The following ITPRIP variants were observed in gnomAD, a reference collection of about 807,000 sequenced individuals.
ITPRIP encodes inositol 1,4,5-trisphosphate receptor-interacting protein.
ITPRIP carries 32 observed loss-of-function variants against 35.8 expected under a neutral mutation model. The ratio of observed to expected loss-of-function variants is 0.89; its 90% CI spans 0.68 to 1.20. ITPRIP has a LOEUF of 1.20. Among genes scored for constraint, ITPRIP ranks in the 50% most tolerant of loss-of-function variants. ITPRIP has a pLI of 0.00. For synonymous variants in ITPRIP, 358 were observed against 324.0 expected (o/e 1.11, Z -1.13); for missense variants, 653 against 735.6 (o/e 0.89, Z 1.30).
intron 1 of ITPRIP, chr10:104,323,453 C>T (rs2135193872): frequency 6.6e-6 from 1 of 152,568 alleles, no homozygotes; most frequent in Non-Finnish European, 1.5e-5. Flanking sequence ...GCCCCTCCCT[C>T]TGGTCTCCTT....
chr10:104,316,229 G>A (rs552744720), intron 1 of ITPRIP, among the ~76,000 whole-genome samples, 165 bp from the exon 2 acceptor site: 4 of 152,244 alleles, frequency 2.6e-5, no homozygotes, highest in Admixed American at 2.6e-4. Context: ...GTCCAGCCAT[G>A]GAAGAGCCCC....
chr10:104,318,155 A>G (rs2135184791), intron 1 of ITPRIP, among the ~76,000 whole-genome samples: 1 of 152,304 alleles, frequency 6.6e-6, no homozygotes, highest in East Asian at 1.9e-4. Flanking sequence ...TTCCTTCCCC[A>G]AGCCAAGGAG....
At position 104,328,115 on chromosome 10, in the gene ITPRIP, A is replaced by G. The variant is rs2014068642; in HGVS notation, c.-14+10131T>C. The G allele has an allele frequency of 1.8e-6, 1 of 561,006 alleles. No homozygotes were observed. The highest frequency in any genetic ancestry group is 2.3e-6 in the Non-Finnish European group (1 of 442,022). 34.8% of individuals were successfully genotyped at this position (561,006 alleles called of 1,614,324 possible). On this transcript the variant is annotated intron_variant, in intron 1 of 1. Coordinates refer to ENST00000337478, the MANE Select transcript of ITPRIP (RefSeq NM_001272013.2). The surrounding 1 kb of genome is among the most constrained non-coding windows in gnomAD (Gnocchi z 4.1). Reference sequence around the variant, plus strand: ...ACAAGACAGTTCCCCACAAATGCCCACCACTTGCAGGAAGGATGCCTCTCC... The same window carrying G: ...ACAAGACAGTTCCCCACAAATGCCCGCCACTTGCAGGAAGGATGCCTCTCC...
At chr10:104,331,727 T>C (rs1050164309) in intron 1 of ITPRIP, among the ~76,000 whole-genome samples, 5 of 152,238 alleles carry the variant, frequency 3.3e-5, no homozygotes, top group Non-Finnish European at 4.4e-5. Context: ...TGGTTGTTAC[T>C]GTGCCTATTA....
intron 1 of ITPRIP, among the ~76,000 whole-genome samples, chr10:104,324,774 C>T (rs953157282): frequency 4.6e-5 from 7 of 152,210 alleles, no homozygotes; most frequent in East Asian, 3.8e-4. Context: ...GCACATGCTT[C>T]GTCTGAAGGG....
intron 1 of ITPRIP, among the ~76,000 whole-genome samples, chr10:104,336,709 C>G (rs145877108): frequency 6.6e-6 from 1 of 152,262 alleles, no homozygotes; most frequent in Non-Finnish European, 1.5e-5. Flanking sequence ...AGCCCAGACT[C>G]TTTCCTAACT....
chr10:104,317,966 G>A lies in ITPRIP; in HGVS notation c.-13-1902C>T, dbSNP rs2013733510. ...CAGGTCTGCAGGAACCACAAGGGTT[G>A]GGGAGTGGAGAAGGTCCGTCCTCCA... is the stretch of plus-strand genomic sequence containing the variant. On this transcript the variant is annotated intron_variant, in intron 1 of 1. Coordinates refer to ENST00000337478, the MANE Select transcript of ITPRIP (RefSeq NM_001272013.2). 1.3e-5 allele frequency among the ~76,000 whole-genome samples: 2 copies of A among 152,180 alleles called. 1 individual carries two copies. Among genetic ancestry groups the A allele is most frequent in the Admixed American group, 1.3e-4 (2 of 15,278 alleles).
At chr10:104,335,085 C>T (rs900968118) in intron 1 of ITPRIP, among the ~76,000 whole-genome samples, 1 of 152,226 alleles carries the variant, frequency 6.6e-6, no homozygotes, top group Non-Finnish European at 1.5e-5. Context: ...AAACACCACC[C>T]TCTGAGCAAT....
intron 1 of ITPRIP, among the ~76,000 whole-genome samples, chr10:104,319,430 TCTC>T (rs1456980893): frequency 1.3e-5 from 2 of 152,130 alleles, no homozygotes; most frequent in Non-Finnish European, 2.9e-5. Flanking sequence ...CACTGCTATT[TCTC>T]CTCCTTGGCA....
chr10:104,337,047 T>A lies in ITPRIP; in HGVS notation c.-14+1199A>T, dbSNP rs544788038. 2.6e-5 allele frequency among the ~76,000 whole-genome samples: 4 copies of A among 152,176 alleles called. No homozygotes were observed. The East Asian group carries it at 7.7e-4, about 29-fold the overall frequency. On this transcript the variant is annotated intron_variant, in intron 1 of 1. Coordinates refer to ENST00000337478, the MANE Select transcript of ITPRIP (RefSeq NM_001272013.2). The stretch of plus-strand genomic sequence containing the variant: ...CAGAGCAGCCGCAACATACAGGGAA[T>A]TAGCAAACAATGAAAGCCACTTAGG...
rs368786058 is a variant in ITPRIP, at chr10:104,311,268, GTCTA to G, written c.*3136_*3139del. ...AAGCAGGCTCATTGGCTTTTCCCAG[GTCTA>G]TCTATCTTCCAATAGATCTGTAGGG... On this transcript the variant is annotated 3_prime_UTR_variant, in exon 2 of 2. Coordinates refer to ENST00000337478, the MANE Select transcript of ITPRIP (RefSeq NM_001272013.2). The G allele has an allele frequency of 1.4e-4, 22 of 152,280 alleles. No homozygotes were observed. In the East Asian group the frequency reaches 4.2e-3, roughly 29 times the overall value. The allele number at this position is 152,280 out of a possible 1,614,324, so 9.4% of individuals were successfully genotyped here. A position where few individuals can be genotyped will look rare whatever the true frequency, so the allele number is the denominator to read the frequency against.
chr10:104,318,516 C>T (rs901724742), intron 1 of ITPRIP, among the ~76,000 whole-genome samples: 6 of 152,214 alleles, frequency 3.9e-5, no homozygotes, highest in African/African-American at 7.2e-5. Context: ...AGTGGGGCCA[C>T]GGCCAAGCCC....
In ITPRIP at chr10:104,316,044, A is replaced by G; in HGVS notation, c.8T>C (p.Met3Thr). Residue 3 changes from methionine to threonine, a missense_variant, in exon 2 of 2, where the codon ATG (methionine) becomes ACG (threonine). Transcript: ENST00000337478. ...CACCAGACACACGCGGAAGAGCCCCATGGCCATGGTTGGAGCTTTCCTGGG... is the reference window on the plus strand; with the variant it reads ...CACCAGACACACGCGGAAGAGCCCCGTGGCCATGGTTGGAGCTTTCCTGGG... MAMGLFRVCLVVV... is the reference protein window; with the variant it reads MATGLFRVCLVVV... The G allele has an allele frequency of 3.2e-6, 5 of 1,577,296 alleles. No individual in the cohort carries two copies. The highest frequency in any genetic ancestry group is 4.5e-5 in the East Asian group (2 of 44,668).
intron 1 of ITPRIP, among the ~76,000 whole-genome samples, chr10:104,329,606 G>A (rs1204746269): frequency 6.6e-6 from 1 of 152,038 alleles, no homozygotes; most frequent in Non-Finnish European, 1.5e-5. Flanking sequence ...GTTCACACAG[G>A]CTCATTTCCA....
chr10:104,327,668 C>A (rs927177249), intron 1 of ITPRIP, among the ~76,000 whole-genome samples: 1 of 152,180 alleles, frequency 6.6e-6, no homozygotes, highest in African/African-American at 2.4e-5. Flanking sequence ...GCACCAGGTA[C>A]CTCATGTAGG....
At chr10:104,318,719 G>T (rs79360663) in intron 1 of ITPRIP, among the ~76,000 whole-genome samples, 14,310 of 152,256 alleles carry the variant, frequency 0.094, 885 homozygotes, top group Middle Eastern at 0.25. Flanking sequence ...GAGGAGACAA[G>T]ACTGGGTCAG....
chr10:104,336,422 A>C (rs561581645), intron 1 of ITPRIP, among the ~76,000 whole-genome samples: 76 of 145,056 alleles, frequency 5.2e-4, no homozygotes, highest in Non-Finnish European at 9.4e-4. Flanking sequence ...ACTGGGGCAG[A>C]CTCTCAACTC....
intron 1 of ITPRIP, among the ~76,000 whole-genome samples, chr10:104,337,955 G>C (rs1177760862): frequency 6.6e-6 from 1 of 152,158 alleles, no homozygotes; most frequent in Non-Finnish European, 1.5e-5. Flanking sequence ...CGCGCGCCTC[G>C]AGGAGGAGCT....
Position 104,315,718 on chromosome 10 carries a change from A to T in ITPRIP, c.334T>A (p.Ser112Thr). 1 of 1,613,566 alleles carries T rather than the reference A, an allele frequency of 6.2e-7. No homozygotes were observed. Residue 112 changes from serine to threonine, a missense_variant, in exon 2 of 2, where the codon TCA becomes ACA. Coordinates refer to ENST00000337478, the MANE Select transcript of ITPRIP (RefSeq NM_001272013.2). The surrounding 1 kb of genome is among the most constrained non-coding windows in gnomAD (Gnocchi z 5.7). ...VWRQDHQEGPSPECLGGEEDE... is the reference protein window; with the variant it reads ...VWRQDHQEGPTPECLGGEEDE... Reference sequence around the variant, plus strand: ...TCCTCACCGCCCAGGCACTCAGGTGAGGGCCCCTCCTGGTGGTCCTGCCGC... The same window carrying T: ...TCCTCACCGCCCAGGCACTCAGGTGTGGGCCCCTCCTGGTGGTCCTGCCGC...
Sources: allele counts gnomAD v4.1 joint callset (sites outside exome capture counted in the v4.1 genomes callset), GRCh38; gene constraint gnomAD v4.1.1; non-coding constraint Gnocchi (gnomAD v3.1); transcripts MANE v1.5; gene names NCBI Gene and HGNC (gene_info 2026-07-23, HGNC 2026-07-21).